DEPTOR: variants seen among roughly 807,000 people sequenced by gnomAD.
DEPTOR encodes DEP domain-containing mTOR-interacting protein.
In DEPTOR, 41 loss-of-function variants were observed where a neutral mutation model predicts 41.6. That is an observed-to-expected ratio of 0.98 (90% CI 0.77 to 1.28). The LOEUF is 1.28. Ranked by LOEUF, DEPTOR falls within the 50% of genes most tolerant of loss-of-function variation. The pLI is 0.00. For synonymous variants in DEPTOR, 195 were observed against 192.3 expected (o/e 1.01, Z -0.12); for missense variants, 514 against 527.9 (o/e 0.97, Z 0.26).
At chr8:120,041,518 G>A (rs1362793215) in intron 8 of DEPTOR, among the ~76,000 whole-genome samples, 1 of 151,900 alleles carries the variant, frequency 6.6e-6, no homozygotes. Flanking sequence ...ACTCTTACGA[G>A]GCTAACTTAG....
At chr8:119,959,142 TTTTCTTTC>T (rs1414153811) in intron 3 of DEPTOR, among the ~76,000 whole-genome samples, 1 of 150,942 alleles carries the variant, frequency 6.6e-6, no homozygotes, top group Non-Finnish European at 1.5e-5. Flanking sequence ...GGCTATTTCT[TTTTCTTTC>T]TTTCTTTCTT....
chr8:119,972,061 G>A (rs930323688), intron 4 of DEPTOR, among the ~76,000 whole-genome samples: 6 of 152,300 alleles, frequency 3.9e-5, no homozygotes, highest in Admixed American at 2.6e-4. Flanking sequence ...CGGCCCTTCC[G>A]TATTGGGGCT....
rs1469540821 is a variant in DEPTOR at position 119,965,395 on chromosome 8, G to A, written c.589G>A (p.Gly197Ser). The change falls in exon 4 of 9, where the codon GGC (glycine) becomes AGC (serine). Residue 197 changes from glycine to serine, a missense_variant. Coordinates refer to ENST00000286234, the MANE Select transcript of DEPTOR (RefSeq NM_022783.4). Reference protein sequence around the residue: ...EQLCHRLMEHGIIQHVSNKHP... With the variant: ...EQLCHRLMEHSIIQHVSNKHP... The stretch of plus-strand genomic sequence containing the variant: ...GCTTTGCCACCGGCTTATGGAGCAT[G>A]GCATCATCCAGCATGGTGAGCGTAT... 2.5e-6 allele frequency: 4 copies of A among 1,613,762 alleles called. No homozygotes were observed. The African/African-American group carries it at 4.0e-5, about 16-fold the overall frequency.
intron 3 of DEPTOR, among the ~76,000 whole-genome samples, chr8:119,945,648 T>A (rs986173736): frequency 6.6e-6 from 1 of 152,212 alleles, no homozygotes; most frequent in Non-Finnish European, 1.5e-5. Context: ...AGAAATTGAA[T>A]GCCATGTTCA....
chr8:120,047,637 A>C (rs1176703311), intron 8 of DEPTOR, among the ~76,000 whole-genome samples: 1 of 150,082 alleles, frequency 6.7e-6, no homozygotes, highest in East Asian at 2.1e-4. Flanking sequence ...TCGGCCTCCC[A>C]AAGTGCTGGG....
intron 6 of DEPTOR, among the ~76,000 whole-genome samples, chr8:120,003,485 G>A (rs1479035170): frequency 1.3e-5 from 2 of 152,106 alleles, no homozygotes; most frequent in Non-Finnish European, 2.9e-5. Flanking sequence ...CAGAGAGATG[G>A]TCTCCAAGAC....
chr8:120,045,313 A>G (rs144206458), intron 8 of DEPTOR, among the ~76,000 whole-genome samples: 58 of 152,338 alleles, frequency 3.8e-4, no homozygotes, highest in African/African-American at 1.3e-3. Context: ...GTGTGTGCAT[A>G]CACTTAGAAA....
chr8:120,002,697 G>T (rs1255999967), intron 5 of DEPTOR, among the ~76,000 whole-genome samples: 2 of 144,442 alleles, frequency 1.4e-5, no homozygotes, highest in East Asian at 4.2e-4. Flanking sequence ...AGAATCGCAT[G>T]AACCCAGGAG....
At chr8:119,981,843 C>T (rs1476222447) in intron 4 of DEPTOR, among the ~76,000 whole-genome samples, 2 of 151,408 alleles carry the variant, frequency 1.3e-5, no homozygotes, top group Non-Finnish European at 2.9e-5. Context: ...GGTGAAACCT[C>T]GTTCTACTAA....
chr8:119,920,991 T>TG (rs1563966043), intron 1 of DEPTOR, among the ~76,000 whole-genome samples: 1 of 150,954 alleles, frequency 6.6e-6, no homozygotes, highest in Admixed American at 6.6e-5. Flanking sequence ...TTTTTTTTTT[T>TG]TTTGAGACAG....
In DEPTOR at chr8:119,900,616, T is replaced by G. The variant is rs934007064; in HGVS notation, c.122+26648T>G. 3.3e-5 allele frequency among the ~76,000 whole-genome samples: 5 copies of G among 151,934 alleles called. No individual in the cohort carries two copies. The South Asian group carries it at 1.0e-3, about 32-fold the overall frequency. On this transcript the variant is annotated intron_variant, in intron 1 of 8. Transcript: ENST00000286234. ...GTTGCCCAGGTTGATCTGGAACTCC[T>G]GGGCTCAAGTGATCCTCCTGGCTCA... is the stretch of plus-strand genomic sequence containing the variant.
chr8:119,998,235 T>C (rs1812298889), intron 4 of DEPTOR, among the ~76,000 whole-genome samples: 1 of 152,130 alleles, frequency 6.6e-6, no homozygotes, highest in South Asian at 2.1e-4. Context: ...ACTAAAGACA[T>C]GCACCATGCC....
intron 4 of DEPTOR, among the ~76,000 whole-genome samples, chr8:119,997,846 C>G (rs1416061648): frequency 6.6e-6 from 1 of 152,152 alleles, no homozygotes; most frequent in Non-Finnish European, 1.5e-5. Flanking sequence ...AGAAAAGAGA[C>G]TGTTGAACCA....
intron 4 of DEPTOR, among the ~76,000 whole-genome samples, chr8:119,977,029 C>T (rs1828703631): frequency 6.6e-6 from 1 of 152,120 alleles, no homozygotes; most frequent in Non-Finnish European, 1.5e-5. Flanking sequence ...TAGATGGAGT[C>T]TTACTCTGTT....
chr8:119,906,316 TA>T (rs1827663112), intron 1 of DEPTOR, among the ~76,000 whole-genome samples: 1 of 143,110 alleles, frequency 7.0e-6, no homozygotes, highest in Admixed American at 7.1e-5. Context: ...AAAAGCCGGG[TA>T]TGGTGGTGCA....
At chr8:119,927,745 A>C (rs1412600905) in intron 1 of DEPTOR, among the ~76,000 whole-genome samples, 2 of 151,832 alleles carry the variant, frequency 1.3e-5, no homozygotes, top group Non-Finnish European at 2.9e-5. Flanking sequence ...AGTAGCTGGG[A>C]TTACAGGCAC....
In DEPTOR at chr8:119,984,663, T is replaced by C. The variant is rs556435154; in HGVS notation, c.605-16862T>C. Among the ~76,000 whole-genome samples the C allele has an allele frequency of 2.6e-5, 4 of 152,346 alleles. No homozygotes were observed. The South Asian group carries it at 6.2e-4, about 24-fold the overall frequency. ...TGTGCCACATTTTCTTTATTCAGTC[T>C]ATCATTGAGGGACATTTGGGTTGGT... On this transcript the variant is annotated intron_variant, in intron 4 of 8. Transcript: ENST00000286234.
rs982510426 is a variant in DEPTOR, at chr8:119,994,311, T to C, written c.605-7214T>C. Among the ~76,000 whole-genome samples the C allele has an allele frequency of 2.6e-5, 4 of 152,054 alleles. No individual in the cohort carries two copies. In the East Asian group the frequency reaches 5.8e-4, roughly 22 times the overall value. The stretch of plus-strand genomic sequence containing the variant: ...ACAGAGCAAGACTGTCCCAAAAAGG[T>C]GTACAAAAAAAATCAACTTTTCTCC... On this transcript the variant is annotated intron_variant, in intron 4 of 8. Transcript: ENST00000286234.
At chr8:119,923,241 A>ATTAT (rs1376301701) in intron 1 of DEPTOR, among the ~76,000 whole-genome samples, 2 of 151,456 alleles carry the variant, frequency 1.3e-5, no homozygotes, top group Non-Finnish European at 2.9e-5. Flanking sequence ...TTATTTGTTT[A>ATTAT]TTATTTATTT....
Sources: allele counts gnomAD v4.1 joint callset (sites outside exome capture counted in the v4.1 genomes callset), GRCh38; gene constraint gnomAD v4.1.1; transcripts MANE v1.5; gene names NCBI Gene and HGNC (gene_info 2026-07-23, HGNC 2026-07-21).